DIS3L2: variants seen among roughly 807,000 people sequenced by gnomAD.
DIS3L2 encodes DIS3 like 3'-5' exoribonuclease 2, also known as DIS3-like exonuclease 2.
DIS3L2 carries 34 observed loss-of-function variants against 97.5 expected under a neutral mutation model. That is an observed-to-expected ratio of 0.35 (90% CI 0.27 to 0.46). The LOEUF (loss-of-function observed/expected upper bound fraction) is 0.46. Ranked by LOEUF, DIS3L2 falls within the 20% of genes least tolerant of loss-of-function variation. DIS3L2 has a pLI of 1.00. For synonymous variants in DIS3L2, 435 were observed against 445.2 expected (o/e 0.98, Z 0.29); for missense variants, 1,038 against 1,146.0 (o/e 0.91, Z 1.36).
At chr2:232,270,017 G>A (rs963261786) in intron 13 of DIS3L2, among the ~76,000 whole-genome samples, 1 of 152,152 alleles carries the variant, frequency 6.6e-6, no homozygotes, top group African/African-American at 2.4e-5. Context: ...CAAGCCTGTA[G>A]CAAATTGACT....
chr2:232,184,985 G>T (rs746904228), intron 9 of DIS3L2, among the ~76,000 whole-genome samples: 3 of 152,214 alleles, frequency 2.0e-5, no homozygotes, highest in African/African-American at 2.4e-5. Context: ...AATTAGCCTT[G>T]CCCTTCTCTG....
chr2:232,220,746 T>C (rs1171076756), intron 10 of DIS3L2, among the ~76,000 whole-genome samples: 1 of 151,918 alleles, frequency 6.6e-6, no homozygotes, highest in East Asian at 1.9e-4. Flanking sequence ...AGTATAAAAA[T>C]CTAAGTATTC....
At chr2:232,228,231 G>A (rs191668980) in intron 10 of DIS3L2, among the ~76,000 whole-genome samples, 35 of 152,330 alleles carry the variant, frequency 2.3e-4, no homozygotes, top group South Asian at 1.2e-3. Context: ...TTCCCAAACT[G>A]CTGGGATTAT....
intron 9 of DIS3L2, among the ~76,000 whole-genome samples, chr2:232,198,110 G>A (rs1345358115): frequency 6.6e-6 from 1 of 152,000 alleles, no homozygotes; most frequent in African/African-American, 2.4e-5. Context: ...TGTGACCTTG[G>A]GCTTCTTTGA....
At chr2:231,974,748 T>G (rs1232130457) in intron 1 of DIS3L2, among the ~76,000 whole-genome samples, 1 of 152,154 alleles carries the variant, frequency 6.6e-6, no homozygotes, top group Non-Finnish European at 1.5e-5. Flanking sequence ...GTAAATGCTA[T>G]CAGAACATAA....
intron 19 of DIS3L2, 125 bp downstream of exon 19, chr2:232,334,860 T>C: frequency 1.3e-6 from 1 of 775,580 alleles, no homozygotes; most frequent in Non-Finnish European, 2.1e-6. Context: ...AAAGCCCACC[T>C]GATGGGCCTT....
intron 13 of DIS3L2, among the ~76,000 whole-genome samples, chr2:232,289,570 G>A (rs956220087): frequency 2.0e-5 from 3 of 152,222 alleles, no homozygotes; most frequent in Non-Finnish European, 4.4e-5. Flanking sequence ...ACCGCGCCCA[G>A]CCAGGAAAGA....
At chr2:232,202,398 AAAAC>A (rs950689109) in intron 9 of DIS3L2, among the ~76,000 whole-genome samples, 8 of 152,342 alleles carry the variant, frequency 5.3e-5, no homozygotes, top group Admixed American at 2.0e-4. Context: ...CTCCATCTCA[AAAAC>A]AAACAAACAG....
chr2:232,260,655 A>T (rs558290812), intron 12 of DIS3L2: 6 of 152,344 alleles, frequency 3.9e-5, no homozygotes, highest in African/African-American at 1.4e-4. Flanking sequence ...CAGATTCAAG[A>T]TTCTTATAAG....
chr2:232,077,709 G>A (rs995988458), intron 5 of DIS3L2, among the ~76,000 whole-genome samples: 1 of 152,180 alleles, frequency 6.6e-6, no homozygotes, highest in Non-Finnish European at 1.5e-5. Context: ...TTTGCAGCAT[G>A]CACTCAGGTA....
At chr2:231,977,002 C>T (rs1693117183) in intron 1 of DIS3L2, among the ~76,000 whole-genome samples, 1 of 152,024 alleles carries the variant, frequency 6.6e-6, no homozygotes, top group Non-Finnish European at 1.5e-5. Context: ...CTCCTGACCT[C>T]GTGATCCGCC....
At chr2:232,288,450 A>G (rs1694505392) in intron 13 of DIS3L2, among the ~76,000 whole-genome samples, 1 of 152,232 alleles carries the variant, frequency 6.6e-6, no homozygotes, top group Admixed American at 6.5e-5. Context: ...AAAACAAACC[A>G]TGAGGACAAC....
chr2:232,143,395 G>A (rs1690121584), intron 8 of DIS3L2, among the ~76,000 whole-genome samples: 1 of 152,222 alleles, frequency 6.6e-6, no homozygotes, highest in East Asian at 1.9e-4. Flanking sequence ...TATTCATGGA[G>A]GAGCTCTAGT....
chr2:232,256,066 C>A lies in DIS3L2; in HGVS notation c.1425+6720C>A, dbSNP rs547861925. Among the ~76,000 whole-genome samples the A allele has an allele frequency of 2.8e-3, 429 of 152,354 alleles. 1 individual carries two copies. Among genetic ancestry groups the A allele is most frequent in the Non-Finnish European group, 4.7e-3 (317 of 68,026 alleles). On this transcript the variant is annotated intron_variant, in intron 12 of 20. Coordinates refer to ENST00000325385, the MANE Select transcript of DIS3L2 (RefSeq NM_152383.5). The stretch of plus-strand genomic sequence containing the variant: ...CCCACGTCATCTCCTCTGCATACAG[C>A]TGTCAGAGTGATCCTTCTGAATCTT...
At chr2:232,122,088 G>A (rs1345877830) in intron 6 of DIS3L2, among the ~76,000 whole-genome samples, 2 of 152,094 alleles carry the variant, frequency 1.3e-5, no homozygotes, top group Admixed American at 1.3e-4. Context: ...GCTCCCCATT[G>A]CCTTTGTGAT....
chr2:231,990,924 A>G (rs1447301319), intron 1 of DIS3L2, among the ~76,000 whole-genome samples: 1 of 152,188 alleles, frequency 6.6e-6, no homozygotes, highest in Non-Finnish European at 1.5e-5. Flanking sequence ...ATGAATTTAT[A>G]AGAGAATTTC....
At chr2:232,119,633 G>C (rs1258758455) in intron 6 of DIS3L2, among the ~76,000 whole-genome samples, 1 of 152,176 alleles carries the variant, frequency 6.6e-6, no homozygotes, top group Admixed American at 6.5e-5. Flanking sequence ...AGAAAGATTT[G>C]GAGCAGAGAG....
intron 13 of DIS3L2, among the ~76,000 whole-genome samples, chr2:232,342,254 TAC>T (rs372552523): frequency 6.2e-4 from 76 of 122,496 alleles, no homozygotes; most frequent in Admixed American, 1.7e-3. Context: ...TATATACACA[TAC>T]ACACATACAC....
chr2:231,971,268 T>C (rs1244331879), intron 1 of DIS3L2, among the ~76,000 whole-genome samples: 1 of 141,206 alleles, frequency 7.1e-6, no homozygotes, highest in Non-Finnish European at 1.5e-5. Context: ...CAGTTTATTT[T>C]GTCATTTTTT....
Sources: allele counts gnomAD v4.1 joint callset (sites outside exome capture counted in the v4.1 genomes callset), GRCh38; gene constraint gnomAD v4.1.1; transcripts MANE v1.5; gene names NCBI Gene and HGNC (gene_info 2026-07-23, HGNC 2026-07-21).